PLAC1: variants seen among roughly 807,000 people sequenced by gnomAD.
PLAC1 encodes placenta associated 1.
For synonymous variants in PLAC1, 68 were observed against 62.1 expected, an observed-to-expected ratio of 1.09 and a Z score of -0.44; for missense variants, 136 against 163.2, an observed-to-expected ratio of 0.83 and a Z score of 0.91.
At chrX:134,631,331 C>A (rs1458409959) in intron 1 of PLAC1, among the ~76,000 whole-genome samples, 1 of 111,797 alleles carries the variant, frequency 8.9e-6, no homozygotes, top group Admixed American at 9.4e-5. Flanking sequence ...AAACCCAGAG[C>A]TTTAAGCCAA....
chrX:134,623,908 T>A (rs770918478), intron 1 of PLAC1, among the ~76,000 whole-genome samples: 25 of 112,054 alleles, frequency 2.2e-4, no homozygotes, highest in Non-Finnish European at 4.5e-4. Context: ...TATATAAAAT[T>A]AGTTTCCCCA....
chrX:134,603,314 T>TA (rs1184439848), intron 1 of PLAC1, among the ~76,000 whole-genome samples: 1 of 7,221 alleles, frequency 1.4e-4, no homozygotes, highest in Admixed American at 4.8e-3. Context: ...TATATATATA[T>TA]TTTTTTTTTT....
chrX:134,650,200 A>G (rs1273390298), intron 1 of PLAC1, among the ~76,000 whole-genome samples: 1 of 112,218 alleles, frequency 8.9e-6, no homozygotes, highest in Non-Finnish European at 1.9e-5. Flanking sequence ...TTGGGTCTTC[A>G]TTTCTGAAAT....
At chrX:134,614,204 C>T (rs1417099376) in intron 1 of PLAC1, among the ~76,000 whole-genome samples, 1 of 111,233 alleles carries the variant, frequency 9.0e-6, no homozygotes, top group African/African-American at 3.3e-5. Context: ...TCTAGTTATA[C>T]TTTCTTATGA....
intron 2 of PLAC1, among the ~76,000 whole-genome samples, chrX:134,720,769 C>G (rs750007434): frequency 8.9e-6 from 1 of 112,723 alleles, no homozygotes; most frequent in Non-Finnish European, 1.9e-5. Flanking sequence ...CATCCTTCCA[C>G]TTCAGCCACT....
chrX:134,590,052 G>A lies in PLAC1; in HGVS notation c.-59+11999C>T, dbSNP rs371285511. On this transcript the variant is annotated intron_variant, in intron 2 of 2. Transcript: ENST00000359237. Reference sequence around the variant, plus strand: ...GTACTAAAAATACAAAAAATTAGCCGGGCGTGGTGGTACGTGCCTGTAGTC... The same window carrying A: ...GTACTAAAAATACAAAAAATTAGCCAGGCGTGGTGGTACGTGCCTGTAGTC... Among the ~76,000 whole-genome samples the A allele has an allele frequency of 1.6e-4, 18 of 109,379 alleles. No individual in the cohort carries two copies. The South Asian group carries it at 2.8e-3, about 17-fold the overall frequency. The allele number at this position is 109,379 out of a possible 115,157, so 95.0% of individuals were successfully genotyped here. A position where few individuals can be genotyped will look rare whatever the true frequency, so the allele number is the denominator to read the frequency against.
chrX:134,628,929 G>A (rs766516562), intron 1 of PLAC1, among the ~76,000 whole-genome samples: 13 of 111,794 alleles, frequency 1.2e-4, no homozygotes, highest in Non-Finnish European at 2.1e-4. Flanking sequence ...AAGTCCTCTC[G>A]TTATATCCAC....
At chrX:134,688,576 T>G (rs753552164) in intron 2 of PLAC1, among the ~76,000 whole-genome samples, 2 of 112,304 alleles carry the variant, frequency 1.8e-5, no homozygotes, top group African/African-American at 6.5e-5. Flanking sequence ...GTTTTTCTCT[T>G]TTTTCTTTCC....
At chrX:134,593,753 A>C (rs73566610) in intron 2 of PLAC1, among the ~76,000 whole-genome samples, 1,706 of 112,026 alleles carry the variant, frequency 0.015, 30 homozygotes, top group African/African-American at 0.053. Flanking sequence ...TTATGCATGT[A>C]TCTCCTGACC....
At chrX:134,652,197 G>A (rs1302658421) in intron 1 of PLAC1, among the ~76,000 whole-genome samples, 1 of 111,861 alleles carries the variant, frequency 8.9e-6, no homozygotes, top group Non-Finnish European at 1.9e-5. Flanking sequence ...AGCTTAGGCT[G>A]GAATTGCTGG....
In PLAC1 at chrX:134,750,851, A is replaced by T. The variant is rs867553740; in HGVS notation, n.89+13383T>A. On this transcript the variant is annotated intron_variant and non_coding_transcript_variant, in intron 1 of 2. Coordinates refer to the PLAC1 transcript ENST00000466797. ...TATATATATTTATATATATATTTAT[A>T]TATATATATTTTTATATATATATAT... Among the ~76,000 whole-genome samples, 7 of 27,597 alleles carry T rather than the reference A, an allele frequency of 2.5e-4. 2 individuals are homozygous for T. The highest frequency in any genetic ancestry group is 1.8e-3 in the African/African-American group (6 of 3,286). The allele number at this position is 27,597 out of a possible 115,157, so 24.0% of individuals were successfully genotyped here. A position where few individuals can be genotyped will look rare whatever the true frequency, so the allele number is the denominator to read the frequency against.
chrX:134,735,527 G>A (rs959310091), intron 1 of PLAC1, among the ~76,000 whole-genome samples: 2 of 111,569 alleles, frequency 1.8e-5, no homozygotes, highest in Admixed American at 9.6e-5. Flanking sequence ...AGGCAGTAAA[G>A]CTCTTCTCAA....
intron 2 of PLAC1, among the ~76,000 whole-genome samples, chrX:134,719,566 G>T (rs1873086295): frequency 9.0e-6 from 1 of 111,628 alleles, no homozygotes; most frequent in South Asian, 3.8e-4. Context: ...GAGGCGGGTG[G>T]ATCACTTGAG....
chrX:134,580,714 A>G (rs2077969796), intron 2 of PLAC1, among the ~76,000 whole-genome samples: 1 of 111,866 alleles, frequency 8.9e-6, no homozygotes, highest in Admixed American at 9.5e-5. Flanking sequence ...TTTAGAGTAG[A>G]TAATTCTGGA....
At chrX:134,693,848 T>C (rs2078552766) in intron 2 of PLAC1, among the ~76,000 whole-genome samples, 2 of 111,494 alleles carry the variant, frequency 1.8e-5, no homozygotes, top group African/African-American at 6.5e-5. Context: ...GGGTTTCTCA[T>C]GGTGAGATTC....
At chrX:134,610,619 T>C (rs529403155) in intron 1 of PLAC1, among the ~76,000 whole-genome samples, 3 of 111,342 alleles carry the variant, frequency 2.7e-5, no homozygotes, top group Admixed American at 9.6e-5. Context: ...GCATTTTGCA[T>C]TGGATAGCAT....
At chrX:134,673,733 A>G (rs188838019) in intron 2 of PLAC1, among the ~76,000 whole-genome samples, 107 of 111,423 alleles carry the variant, frequency 9.6e-4, no homozygotes, top group African/African-American at 3.3e-3. Context: ...CTGTCTTTTG[A>G]TCTCCATCTG....
intron 2 of PLAC1, among the ~76,000 whole-genome samples, chrX:134,574,512 C>A (rs993114862): frequency 4.5e-5 from 5 of 111,687 alleles, no homozygotes; most frequent in African/African-American, 1.6e-4. Flanking sequence ...AGCGTCCTGG[C>A]CTGTCCACTT....
chrX:134,568,254 A>T (rs3003876), intron 2 of PLAC1, among the ~76,000 whole-genome samples: 5 of 112,957 alleles, frequency 4.4e-5, no homozygotes, highest in African/African-American at 1.6e-4. Context: ...GCACAAATTC[A>T]TTCTTTGACT....
Sources: allele counts gnomAD v4.1 joint callset (sites outside exome capture counted in the v4.1 genomes callset), GRCh38; gene constraint gnomAD v4.1.1; transcripts MANE v1.5; gene names NCBI Gene and HGNC (gene_info 2026-07-23, HGNC 2026-07-21).